The following SPMIP11 variants were observed in gnomAD, a reference collection of about 807,000 sequenced individuals.
SPMIP11 encodes the protein sperm microtubule inner protein 11.
the SPMIP11 span, chr12:48,765,009 G>A: frequency 1.4e-6 from 1 of 701,394 alleles, no homozygotes; most frequent in Non-Finnish European, 2.6e-6. Flanking sequence ...AGGCTGGGAG[G>A]GGTAAGGGTG....
the SPMIP11 span, among the ~76,000 whole-genome samples, chr12:48,758,015 A>G: frequency 6.6e-6 from 1 of 151,884 alleles, no homozygotes; most frequent in African/African-American, 2.4e-5. Context: ...AACTATATAT[A>G]TGTGGGGCTG....
At chr12:48,731,147 G>A in the SPMIP11 span, among the ~76,000 whole-genome samples, 1 of 152,120 alleles carries the variant, frequency 6.6e-6, no homozygotes, top group African/African-American at 2.4e-5. Flanking sequence ...CTTTCTAGGT[G>A]AATCTGTTAA....
chr12:48,764,970 T>C, the SPMIP11 span: 1 of 702,796 alleles, frequency 1.4e-6, no homozygotes, highest in Non-Finnish European at 2.6e-6. Context: ...CCCACGCCAT[T>C]GTCTCATAAA....
At chr12:48,765,296 C>T in the SPMIP11 span, among the ~76,000 whole-genome samples, 1 of 152,192 alleles carries the variant, frequency 6.6e-6, no homozygotes, top group Non-Finnish European at 1.5e-5. Context: ...CCTCAAATCA[C>T]CATCCATTGG....
the SPMIP11 span, among the ~76,000 whole-genome samples, chr12:48,735,161 C>T: frequency 2.0e-5 from 3 of 152,120 alleles, no homozygotes; most frequent in African/African-American, 7.2e-5. Context: ...CTGCCAACAA[C>T]CTGAATGAGC....
the SPMIP11 span, among the ~76,000 whole-genome samples, chr12:48,735,318 T>C: frequency 6.6e-6 from 1 of 152,068 alleles, no homozygotes; most frequent in Admixed American, 6.6e-5. Flanking sequence ...AAATAGATGT[T>C]GTTTTCAGGC....
chr12:48,744,319 T>C, the SPMIP11 span, among the ~76,000 whole-genome samples: 88 of 149,984 alleles, frequency 5.9e-4, no homozygotes, highest in African/African-American at 1.6e-3. Flanking sequence ...GGCATGAGAA[T>C]CGCTTGAAAC....
At chr12:48,729,087 G>C in the SPMIP11 span, among the ~76,000 whole-genome samples, 1 of 152,180 alleles carries the variant, frequency 6.6e-6, no homozygotes, top group Admixed American at 6.5e-5. Context: ...CAGGAGATAT[G>C]ACAATTGATT....
At chr12:48,744,268 G>GT in the SPMIP11 span, among the ~76,000 whole-genome samples, 4 of 137,064 alleles carry the variant, frequency 2.9e-5, no homozygotes, top group Admixed American at 1.4e-4. Flanking sequence ...AAAAAAAAAA[G>GT]TGTGGTACAC....
the SPMIP11 span, among the ~76,000 whole-genome samples, chr12:48,743,847 A>T: frequency 1.5e-5 from 2 of 135,572 alleles, no homozygotes; most frequent in Admixed American, 1.6e-4. Context: ...CAGGAGAATC[A>T]CTTGAACCCG....
At chr12:48,731,465 T>TG in the SPMIP11 span, among the ~76,000 whole-genome samples, 1 of 151,370 alleles carries the variant, frequency 6.6e-6, no homozygotes, top group East Asian at 1.9e-4. Context: ...CCCTCCAGCC[T>TG]GGGCGACAGA....
the SPMIP11 span, among the ~76,000 whole-genome samples, chr12:48,758,918 C>T: frequency 6.6e-6 from 1 of 152,216 alleles, no homozygotes; most frequent in African/African-American, 2.4e-5. Context: ...GCCTTTTTCA[C>T]TTGGACTAAC....
At chr12:48,758,422 C>T in the SPMIP11 span, among the ~76,000 whole-genome samples, 1 of 152,218 alleles carries the variant, frequency 6.6e-6, no homozygotes, top group African/African-American at 2.4e-5. Flanking sequence ...CCTCCCGTCA[C>T]TAGCGGATAA....
chr12:48,746,473 T>A, the SPMIP11 span, among the ~76,000 whole-genome samples: 1 of 150,896 alleles, frequency 6.6e-6, no homozygotes, highest in Non-Finnish European at 1.5e-5. Context: ...TTCAAGCAAT[T>A]CTTCTGCCTC....
At chr12:48,735,704 C>T in the SPMIP11 span, among the ~76,000 whole-genome samples, 1 of 152,066 alleles carries the variant, frequency 6.6e-6, no homozygotes, top group African/African-American at 2.4e-5. Context: ...ATCAACATGG[C>T]TAAATCCCGT....
the SPMIP11 span, among the ~76,000 whole-genome samples, chr12:48,745,901 T>C: frequency 1.3e-5 from 2 of 152,192 alleles, no homozygotes; most frequent in Non-Finnish European, 2.9e-5. Flanking sequence ...TACATACTTA[T>C]ATATTCGTAT....
the SPMIP11 span, chr12:48,770,635 T>C: frequency 5.9e-6 from 5 of 844,536 alleles, no homozygotes; most frequent in Non-Finnish European, 9.5e-6. Context: ...AGACTTGATA[T>C]AGGAGGTCAG....
chr12:48,729,826 A>C, the SPMIP11 span, among the ~76,000 whole-genome samples: 4 of 152,068 alleles, frequency 2.6e-5, no homozygotes, highest in African/African-American at 4.8e-5. Context: ...CTTCCAGGCA[A>C]GATTTGTACA....
the SPMIP11 span, among the ~76,000 whole-genome samples, chr12:48,735,876 T>A: frequency 6.6e-6 from 1 of 151,950 alleles, no homozygotes; most frequent in Non-Finnish European, 1.5e-5. Flanking sequence ...AAAGGGAGAC[T>A]CCCTCTCAAA....
Sources: gnomAD v4.1 joint callset for allele counts (sites outside exome capture counted in the v4.1 genomes callset) on GRCh38, gnomAD v4.1.1 for gene constraint, MANE v1.5 for transcripts, NCBI Gene and HGNC (gene_info 2026-07-23, HGNC 2026-07-21) for gene names.